The following NUDT3 variants were observed in gnomAD, a reference collection of about 807,000 sequenced individuals.
NUDT3 encodes diphosphoinositol polyphosphate phosphohydrolase 1.
A neutral mutation model predicts 23.6 loss-of-function variants in NUDT3; 9 were observed. That is an observed-to-expected ratio of 0.38 (90% CI 0.23 to 0.66). The LOEUF (loss-of-function observed/expected upper bound fraction) is 0.66. Among genes scored for constraint, NUDT3 ranks in the 30% least tolerant of loss-of-function variants. The pLI, the probability that NUDT3 is intolerant of heterozygous loss-of-function variation, is 0.52. For synonymous variants in NUDT3, 86 were observed against 82.6 expected, an observed-to-expected ratio of 1.04 and a Z score of -0.22; for missense variants, 172 against 218.5, an observed-to-expected ratio of 0.79 and a Z score of 1.34.
In NUDT3 at chr6:34,284,591, G is replaced by A. The variant is rs1309395274; in HGVS notation, c.*4162C>T. ...GGACTCCAACAAAGGCATTAAGAAA[G>A]TACTAGATGAAAATGAGAAATATGT... On this transcript the variant is annotated 3_prime_UTR_variant, in exon 5 of 5. Coordinates refer to ENST00000607016, the MANE Select transcript of NUDT3 (RefSeq NM_006703.4). The A allele has an allele frequency of 6.9e-6, 1 of 145,792 alleles. No individual in the cohort carries two copies. Among genetic ancestry groups the A allele is most frequent in the Non-Finnish European group, 1.5e-5 (1 of 67,038 alleles). The allele number at this position is 145,792 out of a possible 1,614,324, so 9.0% of individuals were successfully genotyped here.
rs540152507 is a variant in NUDT3, at chr6:34,392,472, G to A, written c.-110C>T. ...CCCCCGGCTCGGCCAAGGGAAGCAGGGAGGGGGAGCTTCTCCGCTACACGG... is the reference window on the plus strand; with the variant it reads ...CCCCCGGCTCGGCCAAGGGAAGCAGAGAGGGGGAGCTTCTCCGCTACACGG... On this transcript the variant is annotated 5_prime_UTR_variant, in exon 1 of 5. Coordinates refer to ENST00000607016, the MANE Select transcript of NUDT3 (RefSeq NM_006703.4). 199 of 694,642 alleles carry A rather than the reference G, an allele frequency of 2.9e-4. No individual in the cohort carries two copies. Among genetic ancestry groups the A allele is most frequent in the Non-Finnish European group, 1.5e-4 (63 of 420,520 alleles). The allele number at this position is 694,642 out of a possible 1,614,324, so 43.0% of individuals were successfully genotyped here.
chr6:34,343,471 T>G (rs2113736073), intron 1 of NUDT3, among the ~76,000 whole-genome samples: 1 of 150,776 alleles, frequency 6.6e-6, no homozygotes, highest in African/African-American at 2.4e-5. Context: ...AGCCCAGGAG[T>G]TTGAGACTGC....
chr6:34,375,694 T>G (rs1420211608), intron 1 of NUDT3, among the ~76,000 whole-genome samples: 1 of 152,166 alleles, frequency 6.6e-6, no homozygotes, highest in African/African-American at 2.4e-5. Flanking sequence ...ACTCTTGGGT[T>G]TTTTCATTTA....
At chr6:34,385,307 G>A (rs954566173) in intron 1 of NUDT3, among the ~76,000 whole-genome samples, 2 of 152,042 alleles carry the variant, frequency 1.3e-5, no homozygotes, top group African/African-American at 2.4e-5. Flanking sequence ...AAAAAATATG[G>A]CCAGGCACAG....
chr6:34,327,588 C>T (rs1764060132), intron 2 of NUDT3, among the ~76,000 whole-genome samples: 1 of 151,606 alleles, frequency 6.6e-6, no homozygotes, highest in Admixed American at 6.6e-5. Flanking sequence ...ATTTCTTTTA[C>T]CGCTATCTTC....
chr6:34,355,432 TG>T, intron 1 of NUDT3, among the ~76,000 whole-genome samples: 1 of 152,148 alleles, frequency 6.6e-6, no homozygotes, highest in Non-Finnish European at 1.5e-5. Context: ...AAGTTGCTAA[TG>T]TCTAGTTTAG....
At position 34,379,282 on chromosome 6, in the gene NUDT3, G is replaced by A. The variant is rs187173421; in HGVS notation, c.99+12982C>T. 6.4e-3 allele frequency among the ~76,000 whole-genome samples: 980 copies of A among 152,180 alleles called. 7 individuals carry two copies. The highest frequency in any genetic ancestry group is 0.011 in the Non-Finnish European group (723 of 67,996). On this transcript the variant is annotated intron_variant, in intron 1 of 4. Coordinates refer to ENST00000607016, the MANE Select transcript of NUDT3 (RefSeq NM_006703.4). ...CTTATTATAAAAGTAATCCATGGTGGGGTACAGTGGCTCACACCTGTAATC... is the reference window on the plus strand; with the variant it reads ...CTTATTATAAAAGTAATCCATGGTGAGGTACAGTGGCTCACACCTGTAATC...
chr6:34,383,181 A>G (rs1765051740), intron 1 of NUDT3, among the ~76,000 whole-genome samples: 1 of 152,206 alleles, frequency 6.6e-6, no homozygotes, highest in South Asian at 2.1e-4. Flanking sequence ...TCCTTTTAAG[A>G]AAAGCATAAG....
rs1765166571 is a variant in NUDT3, at chr6:34,389,829, T to C, written c.99+2435A>G. ...ATACAAAAAAATTAGCCAGACGTGGTCGCGGGCACCTGTAGTCCCAGCTGC... is the reference window on the plus strand; with the variant it reads ...ATACAAAAAAATTAGCCAGACGTGGCCGCGGGCACCTGTAGTCCCAGCTGC... On this transcript the variant is annotated intron_variant, in intron 1 of 4. Transcript: ENST00000607016. 2.0e-5 allele frequency among the ~76,000 whole-genome samples: 3 copies of C among 152,140 alleles called. No homozygotes were observed. In the South Asian group the frequency reaches 6.2e-4, roughly 32 times the overall value.
intron 2 of NUDT3, among the ~76,000 whole-genome samples, chr6:34,340,559 C>G (rs1484046165): frequency 6.6e-6 from 1 of 152,218 alleles, no homozygotes; most frequent in Non-Finnish European, 1.5e-5. Flanking sequence ...ATTACACCCT[C>G]TCTTGATTCC....
At chr6:34,327,834 C>G (rs1764065434) in intron 2 of NUDT3, among the ~76,000 whole-genome samples, 1 of 152,156 alleles carries the variant, frequency 6.6e-6, no homozygotes, top group Non-Finnish European at 1.5e-5. Context: ...TTCCCAGGCG[C>G]TGGCATTACC....
chr6:34,347,859 T>C (rs1362497475), intron 1 of NUDT3, among the ~76,000 whole-genome samples: 1 of 152,032 alleles, frequency 6.6e-6, no homozygotes, highest in African/African-American at 2.4e-5. Context: ...CCGGACGTAC[T>C]GGCTCATACC....
At chr6:34,308,697 T>G (rs112463240) in intron 2 of NUDT3, among the ~76,000 whole-genome samples, 9 of 152,064 alleles carry the variant, frequency 5.9e-5, no homozygotes, top group Non-Finnish European at 1.3e-4. Context: ...CTGTCAGGAA[T>G]AGAGAAACAT....
chr6:34,292,467 A>G (rs766666644), intron 4 of NUDT3, among the ~76,000 whole-genome samples: 54 of 152,224 alleles, frequency 3.5e-4, no homozygotes, highest in Non-Finnish European at 7.3e-4. Context: ...TTATAGTTCC[A>G]AAGATGTAAA....
Position 34,311,680 on chromosome 6 carries a change from T to C in NUDT3, c.211-15995A>G, listed in dbSNP as rs554872304. Among the ~76,000 whole-genome samples the C allele has an allele frequency of 3.9e-5, 6 of 152,336 alleles. No individual in the cohort carries two copies. In the East Asian group the frequency reaches 1.2e-3, roughly 29 times the overall value. Reference sequence around the variant, plus strand: ...TACCCAACTTCAAGACTTACTATAATGCTACAGTAATCAAGACAGTGTGGT... The same window carrying C: ...TACCCAACTTCAAGACTTACTATAACGCTACAGTAATCAAGACAGTGTGGT... On this transcript the variant is annotated intron_variant, in intron 2 of 4. Coordinates refer to ENST00000607016, the MANE Select transcript of NUDT3 (RefSeq NM_006703.4).
rs71538235 is a variant in NUDT3, at chr6:34,358,258, T to TACACACACACAC, written c.100-16298_100-16287dup. Among the ~76,000 whole-genome samples, 605 of 144,694 alleles carry TACACACACACAC rather than the reference T, an allele frequency of 4.2e-3. 1 individual carries two copies. Among genetic ancestry groups the TACACACACACAC allele is most frequent in the African/African-American group, 0.011 (447 of 39,396 alleles). 94.9% of individuals were successfully genotyped at this position (144,694 alleles called of 152,430 possible). On this transcript the variant is annotated intron_variant, in intron 1 of 4. Coordinates refer to ENST00000607016, the MANE Select transcript of NUDT3 (RefSeq NM_006703.4). ...GAACTCAGAAACTGCATGAGTAGTTTACACACACACACACACACACACACA... is the reference window on the plus strand; with the variant it reads ...GAACTCAGAAACTGCATGAGTAGTTTACACACACACACACACACACACACACACACACACACA...
At chr6:34,345,297 G>T (rs1764349252) in intron 1 of NUDT3, among the ~76,000 whole-genome samples, 1 of 151,884 alleles carries the variant, frequency 6.6e-6, no homozygotes, top group Non-Finnish European at 1.5e-5. Context: ...TGATCCACCT[G>T]CCTCGGCCTC....
At chr6:34,332,236 TTGTG>T (rs141375097) in intron 2 of NUDT3, among the ~76,000 whole-genome samples, 3,596 of 152,188 alleles carry the variant, frequency 0.024, 88 homozygotes, top group African/African-American at 0.059. Context: ...ATTCTGTATG[TTGTG>T]TGTATTATTT....
chr6:34,355,807 A>AT (rs1398770631), intron 1 of NUDT3, among the ~76,000 whole-genome samples: 1 of 152,028 alleles, frequency 6.6e-6, no homozygotes, highest in Non-Finnish European at 1.5e-5. Context: ...AGAAATTTGG[A>AT]TAAAAACTCA....
Sources: gnomAD v4.1 joint callset for allele counts (sites outside exome capture counted in the v4.1 genomes callset) on GRCh38, gnomAD v4.1.1 for gene constraint, MANE v1.5 for transcripts, NCBI Gene and HGNC (gene_info 2026-07-23, HGNC 2026-07-21) for gene names.